Variants in ADH7 observed in about 807,000 individuals in gnomAD.
The protein encoded by ADH7 is all-trans-retinol dehydrogenase [NAD(+)] ADH7.
Under a neutral mutation model 34.4 loss-of-function variants are expected in ADH7, and 41 were observed. That is an observed-to-expected ratio of 1.19 (90% CI 0.93 to 1.55). The LOEUF (loss-of-function observed/expected upper bound fraction) is 1.55, where lower values mean the gene tolerates loss of function less well. Among genes scored for constraint, ADH7 ranks in the 40% most tolerant of loss-of-function variants. The pLI is 0.00. For missense variants in ADH7, 540 were observed against 461.2 expected (o/e 1.17, Z -1.56); for synonymous variants, 180 against 160.9 (o/e 1.12, Z -0.90).
chr4:99,414,450 T>C (rs1460570163), intron 8 of ADH7, among the ~76,000 whole-genome samples: 5 of 152,202 alleles, frequency 3.3e-5, no homozygotes, highest in Non-Finnish European at 5.9e-5. Context: ...CATTTCATCT[T>C]GTAGACAGGC....
chr4:99,433,015 C>T (rs1487915466), intron 1 of ADH7, among the ~76,000 whole-genome samples: 1 of 152,088 alleles, frequency 6.6e-6, no homozygotes, highest in African/African-American at 2.4e-5. Flanking sequence ...AATGAGAATA[C>T]ACAGTATTGT....
chr4:99,430,382 T>C (rs976731712), intron 1 of ADH7: 4 of 152,206 alleles, frequency 2.6e-5, no homozygotes, highest in African/African-American at 9.7e-5. Flanking sequence ...TTCAATTAAA[T>C]GGTTTTGCTA....
chr4:99,414,155 T>C (rs1362627077), intron 8 of ADH7, among the ~76,000 whole-genome samples: 1 of 152,184 alleles, frequency 6.6e-6, no homozygotes, highest in Non-Finnish European at 1.5e-5. Context: ...CATACTAAGC[T>C]GTTAGTTTTG....
chr4:99,429,481 A>G (rs1721890240), intron 2 of ADH7, 51 bp downstream of exon 2: 1 of 1,360,136 alleles, frequency 7.4e-7, no homozygotes, highest in Non-Finnish European at 1.0e-6. Context: ...GCTATATTCA[A>G]TATAAGTTTG....
intron 8 of ADH7, 104 bp from the exon 9 acceptor site, chr4:99,413,276 A>G: frequency 7.7e-7 from 1 of 1,300,454 alleles, no homozygotes; most frequent in Non-Finnish European, 1.1e-6. Flanking sequence ...CTTCAAGTAA[A>G]TTCTGTTATT....
chr4:99,432,986 T>C (rs2110141885), intron 1 of ADH7, among the ~76,000 whole-genome samples: 1 of 152,288 alleles, frequency 6.6e-6, no homozygotes, highest in Non-Finnish European at 1.5e-5. Flanking sequence ...GAAAATGACT[T>C]TTTACTTAAT....
chr4:99,413,264 A>T (rs1041273341), intron 8 of ADH7, 92 bp from the exon 9 acceptor site: 40 of 1,397,690 alleles, frequency 2.9e-5, no homozygotes, highest in Non-Finnish European at 4.0e-5. Flanking sequence ...CTGTCATAGA[A>T]ACTTCAAGTA....
chr4:99,413,784 A>G (rs1721458990), intron 8 of ADH7, among the ~76,000 whole-genome samples: 1 of 152,198 alleles, frequency 6.6e-6, no homozygotes, highest in Non-Finnish European at 1.5e-5. Flanking sequence ...TAAAGCAATG[A>G]GCGTGGGCAA....
intron 8 of ADH7, among the ~76,000 whole-genome samples, 199 bp from the exon 9 acceptor site, chr4:99,413,371 G>A (rs1203520493): frequency 1.3e-5 from 2 of 152,182 alleles, no homozygotes; most frequent in South Asian, 2.1e-4. Context: ...AATTCTGAAA[G>A]CATCAGTATA....
At chr4:99,416,674 T>C (rs1375803229) in intron 7 of ADH7, among the ~76,000 whole-genome samples, 1 of 152,162 alleles carries the variant, frequency 6.6e-6, no homozygotes, top group East Asian at 1.9e-4. Flanking sequence ...GGTGACCTCC[T>C]CTGGTCTTGT....
At chr4:99,432,097 A>G (rs1388239652) in intron 1 of ADH7, among the ~76,000 whole-genome samples, 1 of 152,254 alleles carries the variant, frequency 6.6e-6, no homozygotes, top group Non-Finnish European at 1.5e-5. Flanking sequence ...CTAGATAAAG[A>G]AAATGTGGTA....
At chr4:99,415,734 C>T in intron 7 of ADH7, 118 bp from the exon 8 acceptor site, 1 of 1,061,520 alleles carries the variant, frequency 9.4e-7, no homozygotes, top group Non-Finnish European at 1.3e-6. Flanking sequence ...AGATCATTCC[C>T]AGCAGTGTAC....
chr4:99,426,475 T>G (rs1251194037), intron 5 of ADH7, among the ~76,000 whole-genome samples: 1 of 152,092 alleles, frequency 6.6e-6, no homozygotes, highest in Non-Finnish European at 1.5e-5. Flanking sequence ...ATGGATAAAT[T>G]CCTTGACACA....
At position 99,420,366 on chromosome 4, in the gene ADH7, T is replaced by A. The variant is rs150920714; in HGVS notation, c.825+167A>T. Among the ~76,000 whole-genome samples the A allele has an allele frequency of 5.8e-3, 876 of 152,332 alleles. 7 individuals are homozygous for A. Among genetic ancestry groups the A allele is most frequent in the African/African-American group, 0.019 (786 of 41,568 alleles). On this transcript the variant is annotated intron_variant, in intron 6 of 8. Coordinates refer to ENST00000437033, the MANE Select transcript of ADH7 (RefSeq NM_000673.7). ...GTGAACCTGCTCTTAAGTGTTTGAC[T>A]TTTTAGGCAAAATTGCTATGTGATT...
chr4:99,433,065 C>A (rs779657241), intron 1 of ADH7, among the ~76,000 whole-genome samples: 10 of 152,006 alleles, frequency 6.6e-5, no homozygotes, highest in Admixed American at 1.3e-4. Flanking sequence ...CTATGTCAAC[C>A]CTTTAGAAAG....
intron 5 of ADH7, among the ~76,000 whole-genome samples, chr4:99,425,321 C>T (rs1279361690): frequency 1.4e-4 from 21 of 152,026 alleles, no homozygotes; most frequent in Admixed American, 5.2e-4. Context: ...ACCCATCTCA[C>T]GTGCAGAGAC....
chr4:99,416,396 A>G (rs539033267), intron 7 of ADH7, among the ~76,000 whole-genome samples: 1 of 152,016 alleles, frequency 6.6e-6, no homozygotes, highest in East Asian at 1.9e-4. Flanking sequence ...CTCCATTTTG[A>G]CCCAGACAGG....
chr4:99,424,311 G>A (rs1432763584), intron 5 of ADH7, among the ~76,000 whole-genome samples: 5 of 152,118 alleles, frequency 3.3e-5, no homozygotes, highest in Admixed American at 1.3e-4. Flanking sequence ...GTCACATAGC[G>A]TGATGCCTCC....
chr4:99,422,599 T>G (rs753416841), intron 5 of ADH7, among the ~76,000 whole-genome samples: 21 of 152,050 alleles, frequency 1.4e-4, no homozygotes, highest in Admixed American at 2.6e-4. Flanking sequence ...ACCTGCACGC[T>G]CTGCACATAT....
Sources: gnomAD v4.1 joint callset for allele counts (sites outside exome capture counted in the v4.1 genomes callset) on GRCh38, gnomAD v4.1.1 for gene constraint, MANE v1.5 for transcripts, NCBI Gene and HGNC (gene_info 2026-07-23, HGNC 2026-07-21) for gene names.